Variants in WDR64 observed in about 807,000 individuals in gnomAD.
WDR64 encodes WD repeat domain 64.
In WDR64, 112 loss-of-function variants were observed where a neutral mutation model predicts 139.3. The ratio of observed to expected loss-of-function variants is 0.80; its 90% CI spans 0.69 to 0.94. The LOEUF is 0.94. Among genes scored for constraint, WDR64 ranks in the 40% least tolerant of loss-of-function variants. The pLI, the probability that WDR64 is intolerant of heterozygous loss-of-function variation, is 0.00. For missense variants in WDR64, 1,206 were observed against 1,293.1 expected, an observed-to-expected ratio of 0.93 and a Z score of 1.03; for synonymous variants, 444 against 437.7, an observed-to-expected ratio of 1.01 and a Z score of -0.18.
intron 7 of WDR64, among the ~76,000 whole-genome samples, chr1:241,684,597 G>T (rs543633342): frequency 1.3e-5 from 2 of 152,140 alleles, no homozygotes; most frequent in Non-Finnish European, 2.9e-5. Context: ...CTGTGAGCTG[G>T]GCATTCTCAC....
intron 27 of WDR64, among the ~76,000 whole-genome samples, chr1:241,797,858 CATT>C (rs1364126091): frequency 6.6e-6 from 1 of 151,674 alleles, no homozygotes; most frequent in Non-Finnish European, 1.5e-5. Flanking sequence ...CGACTCTGTG[CATT>C]AGGTTTTATA....
intron 15 of WDR64, among the ~76,000 whole-genome samples, chr1:241,760,009 T>C (rs1670361785): frequency 6.6e-6 from 1 of 152,240 alleles, no homozygotes; most frequent in African/African-American, 2.4e-5. Context: ...CTTAGCGTGA[T>C]GTCCTGAAGA....
intron 15 of WDR64, among the ~76,000 whole-genome samples, chr1:241,762,534 A>C (rs1657962270): frequency 6.6e-6 from 1 of 152,172 alleles, no homozygotes; most frequent in Non-Finnish European, 1.5e-5. Flanking sequence ...TTGTTTTTTT[A>C]ACGAGGATCT....
At chr1:241,771,945 CATATATATATATATATATATAT>C (rs57383177) in intron 19 of WDR64, among the ~76,000 whole-genome samples, 11 of 62,366 alleles carry the variant, frequency 1.8e-4, no homozygotes, top group East Asian at 1.3e-3. Flanking sequence ...TACATACATA[CATATATATATATATATATATAT>C]ATATATATAT....
At chr1:241,738,325 G>A (rs1669401387) in intron 10 of WDR64, 38 bp from the exon 11 acceptor site, 1 of 1,604,290 alleles carries the variant, frequency 6.2e-7, no homozygotes, top group South Asian at 1.1e-5. Context: ...AGAAAGGTGA[G>A]TATAAATAGT....
chr1:241,758,070 T>A (rs1670275224), intron 15 of WDR64, among the ~76,000 whole-genome samples: 1 of 152,154 alleles, frequency 6.6e-6, no homozygotes, highest in Non-Finnish European at 1.5e-5. Flanking sequence ...ATATCTTTTT[T>A]TTCTCTCCTT....
At position 241,772,914 on chromosome 1, in the gene WDR64, C is replaced by T. The variant is rs567276731; in HGVS notation, c.2413C>T (p.Arg805Cys). Residue 805 changes from arginine to cysteine, a missense_variant, in exon 20 of 28, where the codon CGC becomes TGC. Coordinates refer to ENST00000437684, the MANE Select transcript of WDR64 (RefSeq NM_001367482.1). Reference sequence around the variant, plus strand: ...CACTGCTCATGAGGATGGACACCTCCGCTTGTGGACTCTGGAGGTAATGGA... The same window carrying T: ...CACTGCTCATGAGGATGGACACCTCTGCTTGTGGACTCTGGAGGTAATGGA... ...LVTAHEDGHLRLWTLEGRLLK... is the reference protein window; with the variant it reads ...LVTAHEDGHLCLWTLEGRLLK... 81 of 1,550,860 alleles carry T rather than the reference C, an allele frequency of 5.2e-5. No homozygotes were observed. The highest frequency in any genetic ancestry group is 1.4e-4 in the Admixed American group (7 of 50,948).
chr1:241,658,965 CAT>C (rs1185160361), intron 1 of WDR64, among the ~76,000 whole-genome samples: 4 of 151,030 alleles, frequency 2.6e-5, no homozygotes, highest in African/African-American at 9.8e-5. Context: ...CATAGGTAAA[CAT>C]GTGCCATGGT....
intron 23 of WDR64, among the ~76,000 whole-genome samples, chr1:241,786,787 G>A (rs1271536000): frequency 6.6e-6 from 1 of 152,098 alleles, no homozygotes; most frequent in Non-Finnish European, 1.5e-5. Context: ...GCTTGAACGG[G>A]CAGTGTTATT....
chr1:241,692,591 T>G (rs1364497752), intron 8 of WDR64, among the ~76,000 whole-genome samples: 1 of 152,198 alleles, frequency 6.6e-6, no homozygotes, highest in Non-Finnish European at 1.5e-5. Context: ...TCATTAAAAT[T>G]GAAACCTTCT....
At chr1:241,771,789 ATTCC>A in intron 19 of WDR64, 92 bp downstream of exon 19, 4 of 655,070 alleles carry the variant, frequency 6.1e-6, no homozygotes, top group Non-Finnish European at 8.9e-6. Context: ...GAATATATAT[ATTCC>A]TTAATATATA....
rs766069628 is a variant in WDR64, at chr1:241,708,692, G to GTTTTTTTTTT, written c.975-3108_975-3099dup. On this transcript the variant is annotated intron_variant, in intron 8 of 27. Coordinates refer to ENST00000437684, the MANE Select transcript of WDR64 (RefSeq NM_001367482.1). Reference sequence around the variant, plus strand: ...TATCAAGTTAGGGCTGAGGTCCATGGTTTTTTTTTTTGTTTTTTTGTTTTT... The same window carrying GTTTTTTTTTT: ...TATCAAGTTAGGGCTGAGGTCCATGGTTTTTTTTTTTTTTTTTTTTTGTTTTTTTGTTTTT... 4.8e-4 allele frequency among the ~76,000 whole-genome samples: 29 copies of GTTTTTTTTTT among 59,898 alleles called. 8 individuals carry two copies. Among genetic ancestry groups the GTTTTTTTTTT allele is most frequent in the African/African-American group, 1.3e-3 (16 of 12,352 alleles). The allele number at this position is 59,898 out of a possible 152,430, so 39.3% of individuals were successfully genotyped here.
At chr1:241,750,173 T>C (rs1454761509) in intron 14 of WDR64, among the ~76,000 whole-genome samples, 1 of 152,210 alleles carries the variant, frequency 6.6e-6, no homozygotes, top group African/African-American at 2.4e-5. Context: ...AATGACGCAA[T>C]CTGCTCAGGG....
chr1:241,721,466 C>G (rs2148196120), intron 9 of WDR64, among the ~76,000 whole-genome samples: 1 of 152,036 alleles, frequency 6.6e-6, no homozygotes, highest in Middle Eastern at 3.4e-3. Flanking sequence ...CCTAAAGGTC[C>G]TTGGTAATAT....
intron 3 of WDR64, among the ~76,000 whole-genome samples, chr1:241,672,375 G>A (rs1466258386): frequency 6.6e-6 from 1 of 152,202 alleles, no homozygotes; most frequent in African/African-American, 2.4e-5. Context: ...ACTGAGCTAA[G>A]GAGGGGCCCC....
chr1:241,710,292 T>A (rs1003356093), intron 8 of WDR64, among the ~76,000 whole-genome samples: 14 of 152,132 alleles, frequency 9.2e-5, no homozygotes, highest in Non-Finnish European at 1.8e-4. Context: ...TTGTTGCTAA[T>A]CTCTGAGGTT....
At position 241,707,383 on chromosome 1, in the gene WDR64, T is replaced by G. The variant is rs575101187; in HGVS notation, c.975-4419T>G. 3.3e-5 allele frequency among the ~76,000 whole-genome samples: 5 copies of G among 152,330 alleles called. No homozygotes were observed. The East Asian group carries it at 9.6e-4, about 29-fold the overall frequency. On this transcript the variant is annotated intron_variant, in intron 8 of 27. Coordinates refer to ENST00000437684, the MANE Select transcript of WDR64 (RefSeq NM_001367482.1). ...ACTTAGAGTCAACTGTCCTCTCTCC[T>G]TAACTCCCTTATGAGCCCTAGACAT... is the stretch of plus-strand genomic sequence containing the variant.
chr1:241,660,819 A>T lies in WDR64; in HGVS notation c.276+159A>T, dbSNP rs1310450319. The T allele has an allele frequency of 5.5e-6, 4 of 721,286 alleles. No homozygotes were observed. In the East Asian group the frequency reaches 8.2e-5, roughly 15 times the overall value. 44.7% of individuals were successfully genotyped at this position (721,286 alleles called of 1,614,324 possible). ...CCATTAGGACATGGCCACTGCCCAC[A>T]AATGAAAGTGGGTAAAGTAGGTAAC... On this transcript the variant is annotated intron_variant, in intron 2 of 27. Coordinates refer to ENST00000437684, the MANE Select transcript of WDR64 (RefSeq NM_001367482.1).
At chr1:241,746,122 A>G (rs1373284233) in intron 13 of WDR64, among the ~76,000 whole-genome samples, 1 of 152,180 alleles carries the variant, frequency 6.6e-6, no homozygotes, top group Non-Finnish European at 1.5e-5. Context: ...GGAGTATTTA[A>G]TCAATGTTTA....
Sources: allele counts gnomAD v4.1 joint callset (sites outside exome capture counted in the v4.1 genomes callset), GRCh38; gene constraint gnomAD v4.1.1; transcripts MANE v1.5; gene names NCBI Gene and HGNC (gene_info 2026-07-23, HGNC 2026-07-21).